Variants in PCTP observed in about 807,000 individuals in gnomAD.
PCTP encodes the protein phosphatidylcholine transfer protein.
Under a neutral mutation model 31.0 loss-of-function variants are expected in PCTP, and 27 were observed. The observed-to-expected ratio is 0.87, with a 90% confidence interval of 0.64 to 1.20. PCTP has a LOEUF of 1.20. PCTP is among the 50% of genes most tolerant of loss of function. The pLI is 0.00. For missense variants in PCTP, 287 were observed against 268.2 expected (o/e 1.07, Z -0.49); for synonymous variants, 108 against 101.2 (o/e 1.07, Z -0.40).
At chr17:55,766,575 T>C (rs1023848744) in intron 1 of PCTP, among the ~76,000 whole-genome samples, 1 of 152,044 alleles carries the variant, frequency 6.6e-6, no homozygotes, top group African/African-American at 2.4e-5. Context: ...TCCATGTCCC[T>C]ACAAAGGACA....
chr17:55,776,065 G>C lies in PCTP; in HGVS notation c.610G>C (p.Ala204Pro). 1 of 1,613,942 alleles carries C rather than the reference G, an allele frequency of 6.2e-7. No homozygotes were observed. Among genetic ancestry groups the C allele is most frequent in the East Asian group, 2.2e-5 (1 of 44,876 alleles). ...NGVPNFLKDM[A>P]RACQNYLKKT ...AGTTCCTAACTTCTTGAAAGACATG[G>C]CAAGAGCCTGTCAGAACTACCTCAA... The change falls in exon 6 of 6, where the codon GCA becomes CCA. Residue 204 changes from alanine (A) to proline (P), a missense_variant. Transcript: ENST00000268896.
At chr17:55,786,643 A>C (rs866117357) in intron 2 of PCTP, among the ~76,000 whole-genome samples, 8 of 152,214 alleles carry the variant, frequency 5.3e-5, no homozygotes, top group South Asian at 2.1e-4. Context: ...TTGTTCTGTT[A>C]ACTCTATCTC....
chr17:55,819,010 CAAAAAAAAAAAA>C (rs56823756), intron 3 of PCTP, among the ~76,000 whole-genome samples: 1 of 51,110 alleles, frequency 2.0e-5, no homozygotes, highest in African/African-American at 6.6e-5. Flanking sequence ...GGAAAGAAAT[CAAAAAAAAAAAA>C]AAAAAAAAAA....
At chr17:55,789,988 C>G (rs956141308) in intron 3 of PCTP, among the ~76,000 whole-genome samples, 7 of 152,146 alleles carry the variant, frequency 4.6e-5, no homozygotes, top group South Asian at 2.1e-4. Flanking sequence ...GGGATGCAAG[C>G]CTGGTTCAAT....
intron 5 of PCTP, among the ~76,000 whole-genome samples, chr17:55,833,357 G>A (rs947961725): frequency 6.6e-6 from 1 of 152,160 alleles, no homozygotes. Context: ...GGAACAATCT[G>A]CAAAGAAACT....
At chr17:55,841,152 A>T (rs1454667229) in intron 5 of PCTP, among the ~76,000 whole-genome samples, 3 of 152,256 alleles carry the variant, frequency 2.0e-5, no homozygotes, top group African/African-American at 7.2e-5. Flanking sequence ...TTGAAATCAT[A>T]GTACATGGAG....
downstream of PCTP, among the ~76,000 whole-genome samples, chr17:55,844,565 G>A (rs185470699): frequency 2.0e-3 from 297 of 152,198 alleles, 2 homozygotes; most frequent in South Asian, 0.011. Context: ...AGAAGATCTG[G>A]AGAAGGGGAG....
chr17:55,778,338 C>A (rs971190731), downstream of PCTP, among the ~76,000 whole-genome samples: 1 of 151,978 alleles, frequency 6.6e-6, no homozygotes. Context: ...GTTATATTGT[C>A]ATTCCTCTAG....
At chr17:55,755,710 C>A (rs1278898273) in intron 1 of PCTP, among the ~76,000 whole-genome samples, 1 of 152,104 alleles carries the variant, frequency 6.6e-6, no homozygotes, top group African/African-American at 2.4e-5. Context: ...TCTTTCTTTG[C>A]CTACTCTATT....
Position 55,799,204 on chromosome 17 carries a change from AACAG to A in PCTP, c.317+11554_317+11557del, listed in dbSNP as rs1912286383. Among the ~76,000 whole-genome samples the A allele has an allele frequency of 2.0e-5, 3 of 152,130 alleles. No homozygotes were observed. In the South Asian group the frequency reaches 6.2e-4, roughly 31 times the overall value. ...GAAATGTAAGTGTGTTAACTATTCAAACAGACAAAGATTTTTAGATGAAAAGAGA... is the reference window on the plus strand; with the variant it reads ...GAAATGTAAGTGTGTTAACTATTCAAACAAAGATTTTTAGATGAAAAGAGA... On this transcript the variant is annotated intron_variant, in intron 3 of 3. Transcript: ENST00000572536.
chr17:55,842,242 A>G (rs1216892962), intron 5 of PCTP, among the ~76,000 whole-genome samples: 1 of 152,206 alleles, frequency 6.6e-6, no homozygotes, highest in Non-Finnish European at 1.5e-5. Flanking sequence ...GCAGGTTGCA[A>G]TTTTAAATAA....
chr17:55,766,459 T>C (rs1290188975), intron 1 of PCTP, among the ~76,000 whole-genome samples: 1 of 133,830 alleles, frequency 7.5e-6, no homozygotes, highest in Non-Finnish European at 1.5e-5. Context: ...CCCCTTCCTG[T>C]GTCCATGTGT....
In PCTP at chr17:55,775,829, C is replaced by G. The variant is rs941712618; in HGVS notation, c.580-206C>G. On this transcript the variant is annotated intron_variant, in intron 5 of 5. Coordinates refer to ENST00000268896, the MANE Select transcript of PCTP (RefSeq NM_021213.4). ...GCTAACATATAAGGCCTTTTTGCAACAGAAGTTCCTGTTGACTGGTCTTAC... is the reference window on the plus strand; with the variant it reads ...GCTAACATATAAGGCCTTTTTGCAAGAGAAGTTCCTGTTGACTGGTCTTAC... 39 of 1,294,970 alleles carry G rather than the reference C, an allele frequency of 3.0e-5. No individual in the cohort carries two copies. In the Middle Eastern group the frequency reaches 8.2e-4, roughly 27 times the overall value. 80.2% of individuals were successfully genotyped at this position (1,294,970 alleles called of 1,614,324 possible).
intron 4 of PCTP, among the ~76,000 whole-genome samples, chr17:55,774,109 A>C (rs1257303744): frequency 6.6e-6 from 1 of 152,242 alleles, no homozygotes; most frequent in Non-Finnish European, 1.5e-5. Flanking sequence ...ACTCTGACCC[A>C]GTCTATTTTC....
chr17:55,805,633 G>T (rs1039076549), intron 3 of PCTP, among the ~76,000 whole-genome samples: 2 of 151,618 alleles, frequency 1.3e-5, no homozygotes, highest in African/African-American at 4.9e-5. Context: ...TATGATAGGA[G>T]ATTTTAATGT....
At chr17:55,805,761 A>G (rs895437420) in intron 3 of PCTP, among the ~76,000 whole-genome samples, 1 of 152,100 alleles carries the variant, frequency 6.6e-6, no homozygotes, top group Non-Finnish European at 1.5e-5. Context: ...CTCTCTTCCC[A>G]TTGCTGGGAG....
rs1911379852 is a variant in PCTP, at chr17:55,777,163, T to C, written c.*1063T>C. The C allele has an allele frequency of 1.0e-6, 1 of 985,624 alleles. No individual in the cohort carries two copies. The highest frequency in any genetic ancestry group is 1.7e-5 in the African/African-American group (1 of 57,210). The allele number at this position is 985,624 out of a possible 1,614,324, so 61.1% of individuals were successfully genotyped here. On this transcript the variant is annotated 3_prime_UTR_variant, in exon 6 of 6. Coordinates refer to ENST00000268896, the MANE Select transcript of PCTP (RefSeq NM_021213.4). ...TGCTTTCTCCTGAATTTTGGTAGGG[T>C]AAGGTATTTCTATGTCAAAGGCACA...
At chr17:55,771,904 C>G (rs1911028020) in intron 3 of PCTP, among the ~76,000 whole-genome samples, 1 of 152,088 alleles carries the variant, frequency 6.6e-6, no homozygotes, top group Admixed American at 6.5e-5. Flanking sequence ...CTCTTCAATC[C>G]CAGCAGCGGA....
Position 55,776,240 on chromosome 17 carries a change from C to A in PCTP, c.*140C>A. 6.9e-7 allele frequency: 1 copy of A among 1,456,120 alleles called. No individual in the cohort carries two copies. Among genetic ancestry groups the A allele is most frequent in the Non-Finnish European group, 9.0e-7 (1 of 1,105,134 alleles). 90.2% of individuals were successfully genotyped at this position (1,456,120 alleles called of 1,614,324 possible). A position where few individuals can be genotyped will look rare whatever the true frequency, so the allele number is the denominator to read the frequency against. ...CCCACCACTGTTCAGCCTTCCCCTG[C>A]TGTTTCTGTCTTCAGAGGCCTACAC... is the stretch of plus-strand genomic sequence containing the variant. On this transcript the variant is annotated 3_prime_UTR_variant, in exon 6 of 6. Coordinates refer to ENST00000268896, the MANE Select transcript of PCTP (RefSeq NM_021213.4).
Sources: gnomAD v4.1 joint callset for allele counts (sites outside exome capture counted in the v4.1 genomes callset) on GRCh38, gnomAD v4.1.1 for gene constraint, MANE v1.5 for transcripts, NCBI Gene and HGNC (gene_info 2026-07-23, HGNC 2026-07-21) for gene names.